TBC1D8B: variants seen among roughly 807,000 people sequenced by gnomAD.
The protein encoded by TBC1D8B is RP11-321G1.1.
In TBC1D8B, 75 loss-of-function variants were observed where a neutral mutation model predicts 82.9. That is an observed-to-expected ratio of 0.90 (90% CI 0.75 to 1.10). The LOEUF is 1.10. Ranked by LOEUF, TBC1D8B falls within the 50% of genes least tolerant of loss-of-function variation. The pLI is 0.00. For missense variants in TBC1D8B, 794 were observed against 796.9 expected (o/e 1.00, Z 0.04); for synonymous variants, 276 against 276.8 (o/e 1.00, Z 0.03).
At chrX:106,828,555 A>G in intron 7 of TBC1D8B, 1 of 110,627 alleles carries the variant, frequency 9.0e-6, no homozygotes, top group Non-Finnish European at 1.9e-5. Flanking sequence ...AAATACTGGC[A>G]AGCCGAATCC....
Position 106,851,864 on chromosome X carries a change from G to A in TBC1D8B, c.2123+1554G>A, listed in dbSNP as rs772652090. 2.1e-4 allele frequency among the ~76,000 whole-genome samples: 23 copies of A among 111,297 alleles called. 1 individual carries two copies. Among genetic ancestry groups the A allele is most frequent in the Admixed American group, 2.9e-4 (3 of 10,470 alleles). ...ACTCTTTGCTATTGTGAATAGTGCC[G>A]CTATAAACATATGTGTGCATGTGTC... On this transcript the variant is annotated intron_variant, in intron 12 of 20. Coordinates refer to ENST00000357242, the MANE Select transcript of TBC1D8B (RefSeq NM_017752.3).
chrX:106,874,189 G>T lies in TBC1D8B; in HGVS notation c.*224G>T, dbSNP rs922736655. On this transcript the variant is annotated 3_prime_UTR_variant, in exon 21 of 21. Coordinates refer to ENST00000357242, the MANE Select transcript of TBC1D8B (RefSeq NM_017752.3). ...CAAAACAAAAAAGCAAACCACATTT[G>T]TTATCTCAAATTTTGATGATATTCT... The T allele has an allele frequency of 3.5e-6, 1 of 287,674 alleles. No homozygotes were observed. Among genetic ancestry groups the T allele is most frequent in the Non-Finnish European group, 6.0e-6 (1 of 165,806 alleles). The allele number at this position is 287,674 out of a possible 1,213,427, so 23.7% of individuals were successfully genotyped here.
chrX:106,822,878 T>C (rs1174039627), intron 4 of TBC1D8B, among the ~76,000 whole-genome samples: 1 of 108,379 alleles, frequency 9.2e-6, no homozygotes, highest in Non-Finnish European at 1.9e-5. Flanking sequence ...TGGTGGCACA[T>C]GCCTGTAGTC....
chrX:106,871,425 C>T (rs1010299320), intron 20 of TBC1D8B, among the ~76,000 whole-genome samples: 1 of 111,603 alleles, frequency 9.0e-6, no homozygotes, highest in Non-Finnish European at 1.9e-5. Context: ...CATATTTATT[C>T]TAGAATTACT....
chrX:106,825,362 G>C (rs749773088), intron 5 of TBC1D8B, among the ~76,000 whole-genome samples: 1 of 111,191 alleles, frequency 9.0e-6, no homozygotes, highest in East Asian at 2.8e-4. Flanking sequence ...CAATTGTTTC[G>C]TGTGCCTAGA....
chrX:106,825,645 C>T (rs992748374), intron 5 of TBC1D8B, among the ~76,000 whole-genome samples: 7 of 111,073 alleles, frequency 6.3e-5, no homozygotes, highest in African/African-American at 1.6e-4. Context: ...CTGGGTAACT[C>T]GCTTGATTTT....
At chrX:106,862,404 G>A (rs1932781805) in intron 14 of TBC1D8B, among the ~76,000 whole-genome samples, 1 of 111,715 alleles carries the variant, frequency 9.0e-6, no homozygotes. Flanking sequence ...GCTTGTGATA[G>A]TATTATGAAA....
At chrX:106,868,698 T>C (rs1484537895) in intron 18 of TBC1D8B, among the ~76,000 whole-genome samples, 1 of 112,264 alleles carries the variant, frequency 8.9e-6, no homozygotes, top group Non-Finnish European at 1.9e-5. Context: ...GGAGACTCAA[T>C]AATGTATTTT....
intron 11 of TBC1D8B, 51 bp downstream of exon 11, chrX:106,848,354 A>G (rs1932510620): frequency 4.8e-6 from 4 of 839,025 alleles, no homozygotes; most frequent in African/African-American, 2.0e-5. Flanking sequence ...AGAGATGTAT[A>G]TTTCCTTTCT....
At chrX:106,849,499 G>A (rs918099072) in intron 11 of TBC1D8B, 1 of 1,006,113 alleles carries the variant, frequency 9.9e-7, no homozygotes, top group African/African-American at 2.0e-5. Flanking sequence ...AGAAGGCCCT[G>A]GCTTCTCTTG....
chrX:106,827,152 A>G lies in TBC1D8B; in HGVS notation c.1036-18A>G. The stretch of plus-strand genomic sequence containing the variant: ...ATAAAGGAAAATTTAATTGACCTCT[A>G]TGTTTTTCACCCCCTAGGTCTTAGC... On this transcript the variant is annotated intron_variant, in intron 6 of 20. Coordinates refer to ENST00000357242, the MANE Select transcript of TBC1D8B (RefSeq NM_017752.3). 2 of 1,200,673 alleles carry G rather than the reference A, an allele frequency of 1.7e-6. No homozygotes were observed. Among genetic ancestry groups the G allele is most frequent in the Non-Finnish European group, 2.2e-6 (2 of 890,042 alleles).
chrX:106,804,894 GA>G (rs1285325884), intron 1 of TBC1D8B, among the ~76,000 whole-genome samples: 144 of 104,550 alleles, frequency 1.4e-3, no homozygotes, highest in African/African-American at 4.1e-3. Flanking sequence ...GTCTCAAAAA[GA>G]AAAAAAAAAT....
intron 5 of TBC1D8B, among the ~76,000 whole-genome samples, chrX:106,824,595 ATTTC>A (rs749563991): frequency 1.1e-4 from 12 of 111,293 alleles, no homozygotes; most frequent in African/African-American, 3.6e-4. Context: ...TTTGTATTTC[ATTTC>A]TTTATTGGCA....
chrX:106,830,229 T>C (rs1460526241), intron 7 of TBC1D8B: 1 of 111,558 alleles, frequency 9.0e-6, no homozygotes, highest in Non-Finnish European at 1.9e-5. Context: ...GAAATGCAAA[T>C]CAAAACCACA....
At chrX:106,806,247 A>G (rs1224881793) in intron 1 of TBC1D8B, among the ~76,000 whole-genome samples, 1 of 112,228 alleles carries the variant, frequency 8.9e-6, no homozygotes, top group Non-Finnish European at 1.9e-5. Flanking sequence ...CTTTATCTTA[A>G]TTGTTCTGGC....
intron 5 of TBC1D8B, among the ~76,000 whole-genome samples, chrX:106,824,731 G>T (rs1272798955): frequency 2.7e-5 from 3 of 111,196 alleles, no homozygotes; most frequent in Non-Finnish European, 3.8e-5. Flanking sequence ...TTTTGTCTGT[G>T]TGCATTTTTA....
intron 10 of TBC1D8B, 44 bp from the exon 11 acceptor site, chrX:106,848,142 T>A: frequency 1.1e-6 from 1 of 908,663 alleles, no homozygotes; most frequent in South Asian, 2.5e-5. Context: ...TAATTATTAC[T>A]TGAGCAATAT....
intron 11 of TBC1D8B, chrX:106,849,225 T>A: frequency 9.8e-7 from 1 of 1,017,759 alleles, no homozygotes; most frequent in Non-Finnish European, 1.3e-6. Flanking sequence ...TGTGTATTTT[T>A]TTTTTTTTTT....
chrX:106,863,465 C>G (rs1932793293), intron 14 of TBC1D8B, among the ~76,000 whole-genome samples: 1 of 111,422 alleles, frequency 9.0e-6, no homozygotes, highest in South Asian at 3.8e-4. Context: ...CAGGTCTTAT[C>G]CTTACTGGGT....
Sources: allele counts gnomAD v4.1 joint callset (sites outside exome capture counted in the v4.1 genomes callset), GRCh38; gene constraint gnomAD v4.1.1; transcripts MANE v1.5; gene names NCBI Gene and HGNC (gene_info 2026-07-23, HGNC 2026-07-21).